Variants in COL12A1 observed in about 807,000 individuals in gnomAD.
The protein encoded by COL12A1 is collagen type XII alpha 1 chain.
COL12A1 carries 114 observed loss-of-function variants against 349.7 expected under a neutral mutation model. That is an observed-to-expected ratio of 0.33 (90% CI 0.28 to 0.38). The LOEUF is 0.38. Ranked by LOEUF, COL12A1 falls within the 10% of genes least tolerant of loss-of-function variation. COL12A1 has a pLI of 1.00. For synonymous variants in COL12A1, 1,369 were observed against 1,329.0 expected, an observed-to-expected ratio of 1.03 and a Z score of -0.66; for missense variants, 3,284 against 3,756.9, an observed-to-expected ratio of 0.87 and a Z score of 3.29.
At chr6:75,136,590 A>G (rs1405217829) in intron 31 of COL12A1, among the ~76,000 whole-genome samples, 1 of 152,230 alleles carries the variant, frequency 6.6e-6, no homozygotes, top group Admixed American at 6.5e-5. Context: ...TTAATAACAC[A>G]TGTGTCTCTA....
In COL12A1 at chr6:75,095,164, G is replaced by A; in HGVS notation, c.8593C>T (p.Pro2865Ser). 6.2e-7 allele frequency: 1 copy of A among 1,613,944 alleles called. No individual in the cohort carries two copies. Among genetic ancestry groups the A allele is most frequent in the Non-Finnish European group, 8.5e-7 (1 of 1,179,940 alleles). ...TTCCCACTTGGTCCTGTGACTCCTG[G>A]GGAGCCTGGGCTTCCCTACAACACA... ...PPGPPGSPGSPGVTGPSGKPG... is the reference protein window; with the variant it reads ...PPGPPGSPGSSGVTGPSGKPG... The change falls in exon 60 of 66, where the codon CCA becomes TCA. Residue 2865 changes from proline (P) to serine (S), a missense_variant. Pro to Ser is a moderately conservative substitution (Grantham distance 74, BLOSUM62 -1). Transcript: ENST00000322507.
rs1302940024 is a variant in COL12A1, at chr6:75,148,198, GC to G, written c.4287+159del. Among the ~76,000 whole-genome samples the G allele has an allele frequency of 2.0e-5, 3 of 152,216 alleles. No homozygotes were observed. The South Asian group carries it at 6.2e-4, about 32-fold the overall frequency. On this transcript the variant is annotated intron_variant, in intron 22 of 65. Coordinates refer to ENST00000322507, the MANE Select transcript of COL12A1 (RefSeq NM_004370.6). ...CCTTTAATTAAAGCCAGACGGAAAT[GC>G]CTGCCTAGCAAAGTCAAGAATAGAA...
At chr6:75,089,053 G>C (rs1006480073) in intron 64 of COL12A1, 53 bp downstream of exon 64, 1 of 1,234,614 alleles carries the variant, frequency 8.1e-7, no homozygotes. Context: ...TCGGGATGGT[G>C]TGCCCTCTCG....
rs754105899 is a variant in COL12A1 at position 75,189,574 on chromosome 6, A to G, written c.636T>C (p.Tyr212=). The change falls in exon 6 of 66, where the codon TAT becomes TAC. Residue 212 remains tyrosine (Y), a synonymous_variant. Transcript: ENST00000322507. ...TACCTGTCATTGTGTTGCCACCTTT[A>G]TATGGAATTTTTTTTATTGCAGCAA... ...ELLAAIKKIP[Y]KGGNTMTGDA... is the part of the protein sequence containing the mutation. The G allele has an allele frequency of 6.2e-7, 1 of 1,612,856 alleles. No individual in the cohort carries two copies. Among genetic ancestry groups the G allele is most frequent in the Non-Finnish European group, 8.5e-7 (1 of 1,179,340 alleles).
In COL12A1 at chr6:75,183,983, T is replaced by C. The variant is rs1582198440; in HGVS notation, c.1159A>G (p.Thr387Ala). ...GAGAGGTCGCGAACACTGAGCGTGG[T>C]TGTCTGAGGCCCCACACTCAGAGCG... ...QHALSVGPQT[T>A]TLSVRDLSAD... The change falls in exon 9 of 66, where the codon ACC becomes GCC. Residue 387 changes from threonine (T) to alanine (A), a missense_variant. Thr to Ala is a moderately conservative substitution (Grantham distance 58, BLOSUM62 0). Around this residue, in one of 2 missense-constraint regions of COL12A1, gnomAD observed 2,601 missense variants for 2,824.8 expected, o/e 0.92. Transcript: ENST00000322507. The C allele has an allele frequency of 1.9e-6, 3 of 1,614,134 alleles. No individual in the cohort carries two copies. Among genetic ancestry groups the C allele is most frequent in the Non-Finnish European group, 1.7e-6 (2 of 1,180,020 alleles).
In COL12A1 at chr6:75,087,614, C is replaced by G. The variant is rs57396313; in HGVS notation, c.9144G>C (p.Gln3048His). Reference sequence around the variant, plus strand: ...GCCCGTTGTATGGGATGCTGGCACACTGAGAAGAATCACAGTATCCAGGAG... The same window carrying G: ...GCCCGTTGTATGGGATGCTGGCACAGTGAGAAGAATCACAGTATCCAGGAG... The part of the protein sequence containing the change: ...PGPPGYCDSS[Q>H]CASIPYNGQG... The change falls in exon 65 of 66, where the codon CAG becomes CAC. Residue 3048 changes from glutamine to histidine, a missense_variant. Physicochemically the swap from Gln to His is conservative, Grantham distance 24. Coordinates refer to ENST00000322507, the MANE Select transcript of COL12A1 (RefSeq NM_004370.6). 2.8e-5 allele frequency: 45 copies of G among 1,613,886 alleles called. No individual in the cohort carries two copies. The African/African-American group carries it at 5.7e-4, about 21-fold the overall frequency.
intron 5 of COL12A1, 92 bp downstream of exon 5, chr6:75,191,609 A>G: frequency 1.4e-6 from 1 of 728,844 alleles, no homozygotes. Flanking sequence ...TATAGGAATA[A>G]GATCAATCTA....
intron 32 of COL12A1, 42 bp from the exon 33 acceptor site, chr6:75,134,039 T>TCAAGCA (rs765563370): frequency 6.3e-7 from 1 of 1,587,588 alleles, no homozygotes; most frequent in Admixed American, 1.8e-5. Flanking sequence ...ATGCTAACAA[T>TCAAGCA]CAAGCACACA....
chr6:75,108,905 A>G lies in COL12A1; in HGVS notation c.8100+113T>C, dbSNP rs1768694830. On this transcript the variant is annotated intron_variant, in intron 52 of 65. Transcript: ENST00000322507. ...TTTGATCTGACCAAGAAATTTGACA[A>G]CTTAAAACTCACTGAGAAAAATAGA... is the stretch of plus-strand genomic sequence containing the variant. The G allele has an allele frequency of 1.1e-5, 13 of 1,154,982 alleles. No homozygotes were observed. In the South Asian group the frequency reaches 1.7e-4, roughly 15 times the overall value. 71.5% of individuals were successfully genotyped at this position (1,154,982 alleles called of 1,614,324 possible).
At chr6:75,096,734 A>C (rs959954708) in intron 59 of COL12A1, among the ~76,000 whole-genome samples, 1 of 152,016 alleles carries the variant, frequency 6.6e-6, no homozygotes, top group African/African-American at 2.4e-5. Context: ...GTCTCTACTA[A>C]AAATACAAAA....
intron 51 of COL12A1, among the ~76,000 whole-genome samples, chr6:75,110,151 C>G (rs1768762119): frequency 6.6e-6 from 1 of 151,692 alleles, no homozygotes; most frequent in African/African-American, 2.4e-5. Context: ...TTTAAATGCC[C>G]CCAGGACAAT....
chr6:75,099,997 T>G (rs1768232624), intron 58 of COL12A1, among the ~76,000 whole-genome samples: 1 of 152,178 alleles, frequency 6.6e-6, no homozygotes, highest in Non-Finnish European at 1.5e-5. Flanking sequence ...GTTCTAAAAT[T>G]GTTGATACCC....
chr6:75,088,505 G>A (rs555216701), intron 64 of COL12A1, among the ~76,000 whole-genome samples: 7 of 150,482 alleles, frequency 4.7e-5, no homozygotes, highest in African/African-American at 1.7e-4. Context: ...GGAAGGAAAA[G>A]GGAAGGAAGG....
chr6:75,189,458 C>T (rs886887697), intron 6 of COL12A1, 77 bp from the exon 7 acceptor site: 1 of 1,571,130 alleles, frequency 6.4e-7, no homozygotes, highest in African/African-American at 1.4e-5. Flanking sequence ...TGAACAATGT[C>T]AAAAATATTT....
chr6:75,149,063 C>T (rs1352111665), intron 21 of COL12A1, among the ~76,000 whole-genome samples: 3 of 152,164 alleles, frequency 2.0e-5, no homozygotes, highest in African/African-American at 4.8e-5. Context: ...GAGGCCTCCC[C>T]AGCCACATGG....
chr6:75,127,061 G>A (rs74678074), intron 38 of COL12A1, among the ~76,000 whole-genome samples: 6,206 of 152,026 alleles, frequency 0.041, 234 homozygotes, highest in African/African-American at 0.1. Flanking sequence ...ACAGCATTGC[G>A]CAAATAACGA....
At chr6:75,105,351 C>A (rs1768498816) in intron 53 of COL12A1, 59 bp from the exon 54 acceptor site, 2 of 1,191,664 alleles carry the variant, frequency 1.7e-6, no homozygotes, top group Non-Finnish European at 1.2e-6. Context: ...GACTTCCCAT[C>A]CCCACCCCCA....
intron 8 of COL12A1, among the ~76,000 whole-genome samples, chr6:75,187,211 G>A (rs150530186): frequency 1.8e-3 from 265 of 150,146 alleles, no homozygotes; most frequent in African/African-American, 6.2e-3. Flanking sequence ...ATAGTAGGAG[G>A]GAAGCCACAG....
intron 12 of COL12A1, among the ~76,000 whole-genome samples, chr6:75,175,866 C>G (rs1582180910): frequency 6.6e-6 from 1 of 152,314 alleles, no homozygotes; most frequent in East Asian, 1.9e-4. Context: ...CGAGGGACCA[C>G]CCATCCTTTT....
Sources: gnomAD v4.1 joint callset for allele counts (sites outside exome capture counted in the v4.1 genomes callset) on GRCh38, gnomAD v4.1.1 for gene constraint, gnomAD v4.1.1 regional missense constraint, MANE v1.5 for transcripts, NCBI Gene and HGNC (gene_info 2026-07-23, HGNC 2026-07-21) for gene names.